Variants in ADK observed in about 807,000 individuals in gnomAD.
ADK encodes the protein adenosine kinase, also known as N6,N6-dimethyladenosine kinase.
In ADK, 24 loss-of-function variants were observed where a neutral mutation model predicts 44.7. The ratio of observed to expected loss-of-function variants is 0.54; its 90% CI spans 0.39 to 0.76. The LOEUF is 0.76. Ranked by LOEUF, ADK falls within the 30% of genes least tolerant of loss-of-function variation. The pLI, the probability that ADK is intolerant of heterozygous loss-of-function variation, is 0.00. For missense variants in ADK, 321 were observed against 425.1 expected (o/e 0.76, Z 2.15); for synonymous variants, 128 against 142.6 (o/e 0.90, Z 0.73).
chr10:74,580,574 T>TAA (rs11289206), intron 7 of ADK, among the ~76,000 whole-genome samples: 5 of 134,358 alleles, frequency 3.7e-5, no homozygotes, highest in Admixed American at 7.4e-5. Context: ...AAACTCCATC[T>TAA]AAAAAAAAAA....
At chr10:74,595,646 G>A (rs1851888026) in intron 8 of ADK, among the ~76,000 whole-genome samples, 3 of 150,726 alleles carry the variant, frequency 2.0e-5, no homozygotes, top group South Asian at 4.3e-4. Context: ...AAAGTGGTGG[G>A]ATTACAAGCG....
rs1415075053 is a variant in ADK at position 74,614,553 on chromosome 10, A to G, written c.877+14060A>G. 1.3e-5 allele frequency among the ~76,000 whole-genome samples: 2 copies of G among 152,006 alleles called. 1 individual carries two copies. The highest frequency in any genetic ancestry group is 2.9e-5 in the Non-Finnish European group (2 of 67,976). ...AAGCTTCTCCTTGTGCCCCCTCCTAATCTTTATCCCCACTGAAGGTAACCA... is the reference window on the plus strand; with the variant it reads ...AAGCTTCTCCTTGTGCCCCCTCCTAGTCTTTATCCCCACTGAAGGTAACCA... On this transcript the variant is annotated intron_variant, in intron 9 of 10. Coordinates refer to ENST00000539909, the MANE Select transcript of ADK (RefSeq NM_006721.4).
intron 4 of ADK, among the ~76,000 whole-genome samples, chr10:74,360,844 G>A (rs1164841372): frequency 6.6e-6 from 1 of 152,112 alleles, no homozygotes; most frequent in Non-Finnish European, 1.5e-5. Flanking sequence ...TAGGTGAAAT[G>A]AGTTTCTTGT....
At chr10:74,317,758 A>G (rs979464677) in intron 4 of ADK, among the ~76,000 whole-genome samples, 6 of 151,912 alleles carry the variant, frequency 3.9e-5, no homozygotes, top group Non-Finnish European at 2.9e-5. Context: ...TAAAACAAAT[A>G]TTTTTATGCT....
chr10:74,691,957 T>A (rs1308195908), intron 10 of ADK, among the ~76,000 whole-genome samples: 1 of 152,158 alleles, frequency 6.6e-6, no homozygotes, highest in Non-Finnish European at 1.5e-5. Context: ...GGAAGACAAT[T>A]TGGCAATCTC....
At chr10:74,453,371 C>CT (rs1384012534) in intron 6 of ADK, among the ~76,000 whole-genome samples, 1 of 152,072 alleles carries the variant, frequency 6.6e-6, no homozygotes, top group Non-Finnish European at 1.5e-5. Context: ...AAACATGTTA[C>CT]TTTGACTTTG....
chr10:74,483,791 C>A (rs11001051), intron 6 of ADK, among the ~76,000 whole-genome samples: 93,657 of 152,016 alleles, frequency 0.62, 30,615 homozygotes, highest in Middle Eastern at 0.8. Flanking sequence ...AGTCTCTTTG[C>A]TAAAGCATAG....
intron 9 of ADK, among the ~76,000 whole-genome samples, chr10:74,624,844 T>G (rs11001087): frequency 0.21 from 31,840 of 151,910 alleles, 4,068 homozygotes; most frequent in African/African-American, 0.35. Flanking sequence ...ATTTGTGTAT[T>G]GGTTGAGGTT....
intron 4 of ADK, among the ~76,000 whole-genome samples, chr10:74,377,097 A>G (rs1842841621): frequency 6.6e-6 from 1 of 152,122 alleles, no homozygotes; most frequent in Admixed American, 6.6e-5. Context: ...CTGCTATTGT[A>G]TATAGAACAT....
chr10:74,247,637 AC>A (rs1157075726), intron 3 of ADK, among the ~76,000 whole-genome samples: 1 of 152,206 alleles, frequency 6.6e-6, no homozygotes, highest in East Asian at 1.9e-4. Flanking sequence ...TTTATTAAGT[AC>A]ATGAGTAAAT....
intron 4 of ADK, among the ~76,000 whole-genome samples, chr10:74,370,899 T>C (rs1842637318): frequency 6.6e-6 from 1 of 152,080 alleles, no homozygotes; most frequent in Non-Finnish European, 1.5e-5. Context: ...ATAAATATTT[T>C]TGATTATGTA....
intron 4 of ADK, among the ~76,000 whole-genome samples, chr10:74,359,579 A>G (rs888196916): frequency 2.6e-5 from 4 of 152,024 alleles, no homozygotes; most frequent in African/African-American, 9.7e-5. Context: ...GCATGGTAGC[A>G]TACACTTGTA....
chr10:74,625,683 G>C lies in ADK; in HGVS notation c.877+25190G>C, dbSNP rs146957446. ...TGATGAACAATCCCATGGGGTTATAGTGAGACAAATGTGATAGGGTTAGAA... is the reference window on the plus strand; with the variant it reads ...TGATGAACAATCCCATGGGGTTATACTGAGACAAATGTGATAGGGTTAGAA... On this transcript the variant is annotated intron_variant, in intron 9 of 10. Coordinates refer to ENST00000539909, the MANE Select transcript of ADK (RefSeq NM_006721.4). Among the ~76,000 whole-genome samples the C allele has an allele frequency of 7.0e-3, 1,060 of 152,208 alleles. 8 individuals are homozygous for C. The highest frequency in any genetic ancestry group is 0.025 in the African/African-American group (1,025 of 41,516).
At chr10:74,482,311 T>G (rs1847102654) in intron 6 of ADK, among the ~76,000 whole-genome samples, 2 of 152,068 alleles carry the variant, frequency 1.3e-5, no homozygotes, top group Admixed American at 1.3e-4. Flanking sequence ...TACACACTGT[T>G]AAACAACTAT....
rs191157192 is a variant in ADK, at chr10:74,310,576, G to A, written c.195-4091G>A. 1.1e-4 allele frequency among the ~76,000 whole-genome samples: 16 copies of A among 152,108 alleles called. No individual in the cohort carries two copies. The East Asian group carries it at 2.1e-3, about 20-fold the overall frequency. On this transcript the variant is annotated intron_variant, in intron 3 of 10. Coordinates refer to ENST00000539909, the MANE Select transcript of ADK (RefSeq NM_006721.4). ...GTCTCGTCTCTCTATCCTGTCTTTC[G>A]TATGAGCTATTCTAAAGGCAGGTGG...
intron 6 of ADK, among the ~76,000 whole-genome samples, chr10:74,513,143 A>C (rs939418706): frequency 6.6e-6 from 1 of 152,224 alleles, no homozygotes; most frequent in Admixed American, 6.5e-5. Flanking sequence ...TTGATCCTTT[A>C]AGAATATTTT....
intron 9 of ADK, among the ~76,000 whole-genome samples, chr10:74,609,650 G>A (rs965251927): frequency 1.1e-4 from 17 of 152,120 alleles, no homozygotes; most frequent in African/African-American, 3.6e-4. Flanking sequence ...CGTTGATCTC[G>A]CTGGGAGGTG....
intron 1 of ADK, among the ~76,000 whole-genome samples, chr10:74,175,273 A>G (rs907632038): frequency 6.6e-6 from 1 of 151,716 alleles, no homozygotes; most frequent in Admixed American, 6.6e-5. Context: ...AGTCCCAGCT[A>G]CTCGGGAGCC....
At chr10:74,555,637 C>A (rs542373595) in intron 7 of ADK, among the ~76,000 whole-genome samples, 1 of 151,294 alleles carries the variant, frequency 6.6e-6, no homozygotes, top group East Asian at 1.9e-4. Flanking sequence ...ATCTAAGTGG[C>A]TTCATACAGA....
Sources: allele counts gnomAD v4.1 joint callset (sites outside exome capture counted in the v4.1 genomes callset), GRCh38; gene constraint gnomAD v4.1.1; transcripts MANE v1.5; gene names NCBI Gene and HGNC (gene_info 2026-07-23, HGNC 2026-07-21).